The following C8B variants were observed in gnomAD, a reference collection of about 807,000 sequenced individuals.
The protein encoded by C8B is complement C8 beta chain, also known as complement component C8 beta chain.
In C8B, 67 loss-of-function variants were observed where a neutral mutation model predicts 64.6. The observed-to-expected ratio is 1.04, with a 90% CI of 0.85 to 1.27. The LOEUF (loss-of-function observed/expected upper bound fraction) is 1.27, where lower values mean the gene tolerates loss of function less well. Among genes scored for constraint, C8B ranks in the 50% most tolerant of loss-of-function variants. The probability of loss-of-function intolerance (pLI) is 0.00; values close to 1 mark genes in which losing one functional copy is unlikely to be tolerated. For missense variants in C8B, 790 were observed against 725.2 expected (o/e 1.09, Z -1.03); for synonymous variants, 284 against 257.7 (o/e 1.10, Z -0.98).
chr1:56,939,632 G>A (rs1235640424), intron 9 of C8B, among the ~76,000 whole-genome samples: 4 of 152,190 alleles, frequency 2.6e-5, no homozygotes, highest in Non-Finnish European at 4.4e-5. Flanking sequence ...CATTGCTGAC[G>A]TGTATGACAG....
intron 10 of C8B, among the ~76,000 whole-genome samples, chr1:56,932,699 C>G (rs1644719818): frequency 6.6e-6 from 1 of 152,188 alleles, no homozygotes; most frequent in African/African-American, 2.4e-5. Flanking sequence ...AGTCTGGCAA[C>G]TGGACCCTTT....
chr1:56,942,906 T>A (rs1312168851), intron 8 of C8B, among the ~76,000 whole-genome samples: 1 of 150,914 alleles, frequency 6.6e-6, no homozygotes, highest in African/African-American at 2.4e-5. Context: ...CCTGTCTCTG[T>A]AAAAAATAAA....
chr1:56,951,057 G>C (rs1338911609), intron 5 of C8B, among the ~76,000 whole-genome samples: 1 of 152,148 alleles, frequency 6.6e-6, no homozygotes, highest in Non-Finnish European at 1.5e-5. Flanking sequence ...GAGGAGTAAG[G>C]AGGAGCTAGC....
chr1:56,929,364 C>A lies in C8B; in HGVS notation c.*40G>T. On this transcript the variant is annotated 3_prime_UTR_variant, in exon 12 of 12. Coordinates refer to ENST00000371237, the MANE Select transcript of C8B (RefSeq NM_000066.4). ...GAGCTGGCATGAGTTCTTGAGGGCT[C>A]AGGGCTCTCATTGTATGTAGCCCAC... The A allele has an allele frequency of 6.2e-7, 1 of 1,608,728 alleles. No homozygotes were observed. The highest frequency in any genetic ancestry group is 8.5e-7 in the Non-Finnish European group (1 of 1,176,930).
chr1:56,931,505 A>G, intron 11 of C8B: 1 of 362,022 alleles, frequency 2.8e-6, no homozygotes, highest in Non-Finnish European at 5.4e-6. Flanking sequence ...AGGGCTGAAT[A>G]GCAGTATACT....
intron 9 of C8B, among the ~76,000 whole-genome samples, chr1:56,936,513 AATTT>A (rs1256426330): frequency 1.1e-4 from 7 of 64,872 alleles, no homozygotes; most frequent in East Asian, 1.0e-3. Flanking sequence ...ATTTGTGGTA[AATTT>A]TTTTTTTTTT....
In C8B at chr1:56,949,771, AG is replaced by A; in HGVS notation, c.667-20del. On this transcript the variant is annotated intron_variant, in intron 5 of 11. Coordinates refer to ENST00000371237, the MANE Select transcript of C8B (RefSeq NM_000066.4). ...CTTGGGTCTAAAGAAGAAAAAAGAA[AG>A]GGTTTTTTATTTCATTTGACTCAAA... 2.5e-6 allele frequency: 4 copies of A among 1,569,844 alleles called. No homozygotes were observed. Among genetic ancestry groups the A allele is most frequent in the Non-Finnish European group, 3.5e-6 (4 of 1,145,134 alleles).
chr1:56,962,511 T>C (rs912086306), intron 1 of C8B, among the ~76,000 whole-genome samples: 6 of 152,178 alleles, frequency 3.9e-5, no homozygotes, highest in African/African-American at 1.4e-4. Flanking sequence ...GAAACAAACC[T>C]GATGGACATT....
intron 6 of C8B, among the ~76,000 whole-genome samples, chr1:56,948,004 T>C (rs1644967843): frequency 6.6e-6 from 1 of 152,088 alleles, no homozygotes; most frequent in African/African-American, 2.4e-5. Context: ...TGTTTGCTGC[T>C]CCTACTACAC....
At chr1:56,950,960 C>A (rs706482) in intron 5 of C8B, among the ~76,000 whole-genome samples, 43,148 of 152,116 alleles carry the variant, frequency 0.28, 6,373 homozygotes, top group African/African-American at 0.33. Flanking sequence ...TTGAGGATGG[C>A]ACTGGACACC....
chr1:56,931,745 C>A (rs1028015093), intron 11 of C8B, 65 bp downstream of exon 11: 1 of 1,114,836 alleles, frequency 9.0e-7, no homozygotes, highest in Non-Finnish European at 1.4e-6. Context: ...CACACCAGCT[C>A]CTTGCTCTTC....
intron 3 of C8B, among the ~76,000 whole-genome samples, chr1:56,956,405 A>G (rs188747280): frequency 6.6e-6 from 1 of 152,320 alleles, no homozygotes; most frequent in East Asian, 1.9e-4. Flanking sequence ...AAGTCAAAAT[A>G]AGGCCTGACC....
rs142497373 is a variant in C8B, at chr1:56,949,600, A to T, written c.819T>A (p.Asp273Glu). The change falls in exon 6 of 12, where the codon GAT (aspartate) becomes GAA (glutamate). Residue 273 changes from aspartate to glutamate, a missense_variant. Physicochemically the swap from Asp to Glu is conservative, Grantham distance 45 (BLOSUM62 2). Coordinates refer to ENST00000371237, the MANE Select transcript of C8B (RefSeq NM_000066.4). The stretch of plus-strand genomic sequence containing the variant: ...TTCTCCTAATATAGTGTTTGCCTCG[A>T]TCACTTTGACTACTGATGCCAAGTT... ...IFELGISSQS[D>E]RGKHYIRRTK... 3.7e-6 allele frequency: 6 copies of T among 1,614,006 alleles called. No homozygotes were observed. The African/African-American group carries it at 8.0e-5, about 22-fold the overall frequency.
At chr1:56,941,635 G>A (rs759356877) in intron 8 of C8B, among the ~76,000 whole-genome samples, 1 of 152,140 alleles carries the variant, frequency 6.6e-6, no homozygotes, top group East Asian at 1.9e-4. Flanking sequence ...TTACCAGATA[G>A]CAATTTTAGG....
At chr1:56,948,200 A>C (rs1570391279) in intron 6 of C8B, among the ~76,000 whole-genome samples, 1 of 152,336 alleles carries the variant, frequency 6.6e-6, no homozygotes, top group South Asian at 2.1e-4. Flanking sequence ...TGATATGATC[A>C]GATTAGTATC....
At chr1:56,946,496 G>A (rs1644944388) in intron 6 of C8B, among the ~76,000 whole-genome samples, 1 of 152,208 alleles carries the variant, frequency 6.6e-6, no homozygotes, top group East Asian at 1.9e-4. Context: ...CGTATGGCAG[G>A]AGTCAGCAAA....
At chr1:56,935,344 CTG>C (rs991164653) in intron 9 of C8B, among the ~76,000 whole-genome samples, 3 of 152,086 alleles carry the variant, frequency 2.0e-5, no homozygotes, top group African/African-American at 7.2e-5. Context: ...CATTTTTTTC[CTG>C]TCTTTTTTGT....
intron 8 of C8B, among the ~76,000 whole-genome samples, chr1:56,942,353 C>T (rs1007944433): frequency 6.6e-6 from 1 of 152,210 alleles, no homozygotes; most frequent in Non-Finnish European, 1.5e-5. Flanking sequence ...AGCCCTCAAT[C>T]ATATCAGTGA....
intron 6 of C8B, 70 bp downstream of exon 6, chr1:56,949,485 T>C (rs1226804639): frequency 1.7e-5 from 22 of 1,304,452 alleles, no homozygotes; most frequent in Middle Eastern, 4.1e-4. Flanking sequence ...CATTCTGTGG[T>C]GTTTTGTTAC....
Sources: allele counts gnomAD v4.1 joint callset (sites outside exome capture counted in the v4.1 genomes callset), GRCh38; gene constraint gnomAD v4.1.1; transcripts MANE v1.5; gene names NCBI Gene and HGNC (gene_info 2026-07-23, HGNC 2026-07-21).